The following ANXA8 variants were observed in gnomAD, a reference collection of about 807,000 sequenced individuals.
The protein encoded by ANXA8 is annexin A8.
In ANXA8, 9 loss-of-function variants were observed where a neutral mutation model predicts 26.8. The ratio of observed to expected loss-of-function variants is 0.34; its 90% CI spans 0.20 to 0.59. The LOEUF (loss-of-function observed/expected upper bound fraction) is 0.59. Among genes scored for constraint, ANXA8 ranks in the 20% least tolerant of loss-of-function variants. The pLI, the probability that ANXA8 is intolerant of heterozygous loss-of-function variation, is 0.84. For synonymous variants in ANXA8, 39 were observed against 94.8 expected (o/e 0.41, Z 3.42); for missense variants, 83 against 238.5 (o/e 0.35, Z 4.29).
At chr10:47,717,814 G>A in the ANXA8 span, among the ~76,000 whole-genome samples, 7 of 151,552 alleles carry the variant, frequency 4.6e-5, no homozygotes, top group Admixed American at 1.3e-4. Flanking sequence ...CCTGGCCAAC[G>A]TGGTGAAACC....
the ANXA8 span, among the ~76,000 whole-genome samples, chr10:47,570,433 C>T: frequency 0.027 from 4,061 of 147,814 alleles, 103 homozygotes; most frequent in South Asian, 0.04. Flanking sequence ...TTTTTCTCTA[C>T]TTTCTTTCTC....
At chr10:47,969,205 C>T in the ANXA8 span, among the ~76,000 whole-genome samples, 10 of 151,448 alleles carry the variant, frequency 6.6e-5, no homozygotes, top group East Asian at 7.7e-4. Context: ...CCATTGCTTC[C>T]GGACTGTCAC....
chr10:47,521,515 A>G, the ANXA8 span, among the ~76,000 whole-genome samples: 1 of 140,766 alleles, frequency 7.1e-6, no homozygotes, highest in Non-Finnish European at 1.5e-5. Context: ...TAGAAGAGCT[A>G]TAAGACATTT....
chr10:47,554,693 C>T, the ANXA8 span, among the ~76,000 whole-genome samples: 20 of 151,608 alleles, frequency 1.3e-4, no homozygotes, highest in African/African-American at 4.6e-4. Context: ...CTCCTGTCAC[C>T]GAGACCCCCA....
At chr10:47,544,092 A>G in the ANXA8 span, among the ~76,000 whole-genome samples, 2 of 151,834 alleles carry the variant, frequency 1.3e-5, no homozygotes, top group Admixed American at 1.3e-4. Flanking sequence ...GAAGGACTCC[A>G]GCACCCGGGC....
the ANXA8 span, among the ~76,000 whole-genome samples, chr10:47,567,624 CA>C: frequency 1.3e-5 from 2 of 151,866 alleles, no homozygotes; most frequent in African/African-American, 4.8e-5. Flanking sequence ...CCTCTGTCCC[CA>C]CCCACTCTTG....
At chr10:47,753,044 G>T in the ANXA8 span, 1 of 146,624 alleles carries the variant, frequency 6.8e-6, no homozygotes, top group Non-Finnish European at 1.5e-5. Context: ...GGAGGTGGAG[G>T]GTGCAGTGAG....
the ANXA8 span, among the ~76,000 whole-genome samples, chr10:47,655,790 G>A: frequency 3.3e-5 from 5 of 151,948 alleles, no homozygotes; most frequent in African/African-American, 1.2e-4. Context: ...GGAGGCCGAG[G>A]TGGGCAGATC....
At chr10:47,530,485 C>T in the ANXA8 span, among the ~76,000 whole-genome samples, 3 of 145,460 alleles carry the variant, frequency 2.1e-5, no homozygotes, top group Admixed American at 6.9e-5. Flanking sequence ...GTCAGGAGTT[C>T]GAGACCAGCT....
At chr10:47,722,604 G>A in the ANXA8 span, among the ~76,000 whole-genome samples, 3 of 139,920 alleles carry the variant, frequency 2.1e-5, no homozygotes, top group African/African-American at 7.8e-5. Flanking sequence ...CTCTTCACTT[G>A]GGTGTCTCCA....
the ANXA8 span, among the ~76,000 whole-genome samples, chr10:47,959,625 G>A: frequency 6.8e-6 from 1 of 147,740 alleles, no homozygotes; most frequent in South Asian, 2.1e-4. Context: ...GTCTGAAGCT[G>A]GAGCCCAACA....
the ANXA8 span, among the ~76,000 whole-genome samples, chr10:47,639,607 C>A: frequency 6.7e-6 from 1 of 149,218 alleles, no homozygotes; most frequent in African/African-American, 2.4e-5. Context: ...TGAGCCACCG[C>A]GCCTAGCGCA....
At chr10:47,894,781 AGCACACC>A in the ANXA8 span, among the ~76,000 whole-genome samples, 1 of 152,210 alleles carries the variant, frequency 6.6e-6, no homozygotes, top group Non-Finnish European at 1.5e-5. Flanking sequence ...CACACATCAC[AGCACACC>A]ACACACACAC....
At chr10:47,528,013 A>T in the ANXA8 span, among the ~76,000 whole-genome samples, 46 of 144,806 alleles carry the variant, frequency 3.2e-4, no homozygotes, top group African/African-American at 1.2e-3. Flanking sequence ...ACCATGTGAC[A>T]CTAGAGCTAT....
chr10:47,743,670 TAGAGGGCGCTGG>T, the ANXA8 span, among the ~76,000 whole-genome samples: 2 of 147,312 alleles, frequency 1.4e-5, no homozygotes, highest in Non-Finnish European at 3.0e-5. Flanking sequence ...TGCTGAACAG[TAGAGGGCGCTGG>T]AGACACGCTG....
At chr10:47,663,536 C>T in the ANXA8 span, among the ~76,000 whole-genome samples, 4 of 132,084 alleles carry the variant, frequency 3.0e-5, no homozygotes. Context: ...CAGGTGCATG[C>T]CACCATGCCC....
chr10:47,944,733 A>G, the ANXA8 span, among the ~76,000 whole-genome samples: 2 of 150,490 alleles, frequency 1.3e-5, no homozygotes, highest in Non-Finnish European at 2.9e-5. Context: ...TTCCACCATG[A>G]TTGAGAGGCC....
the ANXA8 span, among the ~76,000 whole-genome samples, chr10:47,685,382 A>G: frequency 6.6e-6 from 1 of 151,336 alleles, no homozygotes; most frequent in Non-Finnish European, 1.5e-5. Flanking sequence ...AAAAAACACA[A>G]AAAAACCTTG....
At chr10:47,948,571 A>G in the ANXA8 span, among the ~76,000 whole-genome samples, 332 of 146,998 alleles carry the variant, frequency 2.3e-3, 1 homozygote, top group African/African-American at 7.8e-3. Flanking sequence ...CAGTCAAAAG[A>G]GACTAAAAAG....
Sources: gnomAD v4.1 joint callset for allele counts (sites outside exome capture counted in the v4.1 genomes callset) on GRCh38, gnomAD v4.1.1 for gene constraint, MANE v1.5 for transcripts, NCBI Gene and HGNC (gene_info 2026-07-23, HGNC 2026-07-21) for gene names.